The following FOXP2 variants were observed in gnomAD, a reference collection of about 807,000 sequenced individuals.
FOXP2 encodes forkhead box P2.
Under a neutral mutation model 115.8 loss-of-function variants are expected in FOXP2, and 12 were observed. The ratio of observed to expected loss-of-function variants is 0.10; its 90% confidence interval spans 0.07 to 0.17. The LOEUF (loss-of-function observed/expected upper bound fraction) is 0.17, where lower values mean the gene tolerates loss of function less well. Among genes scored for constraint, FOXP2 ranks in the 10% least tolerant of loss-of-function variants. The pLI is 1.00. For missense variants in FOXP2, 629 were observed against 843.5 expected (o/e 0.75, Z 3.15); for synonymous variants, 328 against 297.7 (o/e 1.10, Z -1.05).
chr7:114,537,314 T>A (rs1281461878), intron 3 of FOXP2, among the ~76,000 whole-genome samples: 1 of 151,628 alleles, frequency 6.6e-6, no homozygotes, highest in Non-Finnish European at 1.5e-5. Flanking sequence ...AGATATTTGG[T>A]ATTAATCGAT....
chr7:114,271,482 A>G (rs1796036118), intron 1 of FOXP2, among the ~76,000 whole-genome samples: 2 of 134,780 alleles, frequency 1.5e-5, no homozygotes, highest in South Asian at 2.1e-4. Context: ...GGATTTATAT[A>G]TATATATTTA....
At position 114,176,298 on chromosome 7, in the gene FOXP2, T is replaced by TTCTTTCTTTCTCTCTCTC. The variant is rs368923204; in HGVS notation, c.-102+13213_-102+13214insTTCTTTCTCTCTCTCTCT. 8.8e-3 allele frequency among the ~76,000 whole-genome samples: 670 copies of TTCTTTCTTTCTCTCTCTC among 76,524 alleles called. 12 individuals carry two copies. The highest frequency in any genetic ancestry group is 0.034 in the African/African-American group (621 of 18,462). 50.2% of individuals were successfully genotyped at this position (76,524 alleles called of 152,430 possible). ...TTTCTTTCTTTCTTTCTTTCTTTCT[T>TTCTTTCTTTCTCTCTCTC]TCTCTCTCTCTCTCTCTCTCTCTTT... is the stretch of plus-strand genomic sequence containing the variant. On this transcript the variant is annotated intron_variant, in intron 1 of 17. Transcript: ENST00000634411.
chr7:114,575,693 C>T (rs1198586582), intron 3 of FOXP2, among the ~76,000 whole-genome samples: 1 of 151,814 alleles, frequency 6.6e-6, no homozygotes, highest in Non-Finnish European at 1.5e-5. Context: ...TTGTCTGTAT[C>T]CAGCTAAAGC....
At chr7:114,605,874 G>C (rs1450060324) in intron 3 of FOXP2, among the ~76,000 whole-genome samples, 1 of 152,160 alleles carries the variant, frequency 6.6e-6, no homozygotes, top group Non-Finnish European at 1.5e-5. Context: ...TATTTGACAA[G>C]GGTAGTGGCC....
chr7:114,631,580 T>C lies in FOXP2; in HGVS notation c.650T>C (p.Phe217Ser). The change falls in exon 6 of 17, where the codon TTC (phenylalanine) becomes TCC (serine). Residue 217 changes from phenylalanine (F) to serine (S), a missense_variant. By Grantham distance (155) the Phe-to-Ser change is radical. Transcript: ENST00000350908. ...QQQLAAQQLV[F>S]QQQLLQMQQL... ...CAATTGGCAGCCCAGCAGCTTGTCT[T>C]CCAGCAGCAGCTTCTCCAGATGCAA... 6.2e-7 allele frequency: 1 copy of C among 1,605,588 alleles called. No individual in the cohort carries two copies. Among genetic ancestry groups the C allele is most frequent in the Non-Finnish European group, 8.5e-7 (1 of 1,175,680 alleles).
intron 3 of FOXP2, among the ~76,000 whole-genome samples, chr7:114,580,456 T>G (rs1168491187): frequency 6.6e-6 from 1 of 152,148 alleles, no homozygotes; most frequent in African/African-American, 2.4e-5. Context: ...CATATTCCTG[T>G]AGTCCCAGCT....
chr7:114,566,907 GA>G (rs1213108369), intron 3 of FOXP2, among the ~76,000 whole-genome samples: 1 of 151,706 alleles, frequency 6.6e-6, no homozygotes, highest in Non-Finnish European at 1.5e-5. Context: ...ATTTTTGTAT[GA>G]AAATTACACT....
chr7:114,472,345 CTTT>C (rs1164348933), intron 2 of FOXP2, among the ~76,000 whole-genome samples: 7 of 137,760 alleles, frequency 5.1e-5, no homozygotes, highest in Admixed American at 7.3e-5. Context: ...TTTATAAATT[CTTT>C]TTTTTTTTTT....
intron 3 of FOXP2, among the ~76,000 whole-genome samples, chr7:114,620,180 G>T (rs1334995817): frequency 6.6e-6 from 1 of 151,942 alleles, no homozygotes; most frequent in Non-Finnish European, 1.5e-5. Flanking sequence ...AACAAGGGGA[G>T]TTCATCGCTA....
At chr7:114,298,073 G>A (rs957220931) in intron 2 of FOXP2, among the ~76,000 whole-genome samples, 1 of 152,048 alleles carries the variant, frequency 6.6e-6, no homozygotes, top group Non-Finnish European at 1.5e-5. Context: ...TTGGTTTTGA[G>A]TGTGAACTTG....
chr7:114,268,755 T>C (rs1795965589), intron 1 of FOXP2, among the ~76,000 whole-genome samples: 1 of 151,984 alleles, frequency 6.6e-6, no homozygotes, highest in Non-Finnish European at 1.5e-5. Context: ...CCGTTAATCG[T>C]TTCTGGGTTT....
At chr7:114,236,612 A>G (rs1007535321) in intron 1 of FOXP2, among the ~76,000 whole-genome samples, 2 of 152,238 alleles carry the variant, frequency 1.3e-5, no homozygotes, top group African/African-American at 4.8e-5. Flanking sequence ...TCACAATTAT[A>G]TATCCTTATT....
At chr7:114,152,924 T>C (rs1410344829) in intron 1 of FOXP2, among the ~76,000 whole-genome samples, 1 of 152,164 alleles carries the variant, frequency 6.6e-6, no homozygotes, top group African/African-American at 2.4e-5. Flanking sequence ...ACATGTCTAC[T>C]TTGGTTTGGA....
At chr7:114,395,859 C>A (rs1046960126) in intron 2 of FOXP2, among the ~76,000 whole-genome samples, 1 of 150,880 alleles carries the variant, frequency 6.6e-6, no homozygotes, top group Non-Finnish European at 1.5e-5. Context: ...GGGGGGGTCA[C>A]GTTTTCTTTC....
intron 2 of FOXP2, among the ~76,000 whole-genome samples, chr7:114,398,079 T>C (rs1356576000): frequency 6.6e-6 from 1 of 152,096 alleles, no homozygotes; most frequent in African/African-American, 2.4e-5. Context: ...GAAGGAGTTA[T>C]AATGGATATA....
At chr7:114,495,893 G>A (rs939782120) in intron 2 of FOXP2, among the ~76,000 whole-genome samples, 2 of 152,028 alleles carry the variant, frequency 1.3e-5, no homozygotes, top group African/African-American at 4.8e-5. Context: ...GTATTTACTA[G>A]ATAATAAATG....
At chr7:114,462,333 C>T (rs1205211119) in intron 2 of FOXP2, among the ~76,000 whole-genome samples, 2 of 125,834 alleles carry the variant, frequency 1.6e-5, no homozygotes, top group Non-Finnish European at 1.7e-5. Context: ...AGAAATAAAA[C>T]TCAGCTCTGG....
intron 3 of FOXP2, among the ~76,000 whole-genome samples, chr7:114,610,335 G>T (rs1402952215): frequency 6.6e-6 from 1 of 152,026 alleles, no homozygotes; most frequent in Non-Finnish European, 1.5e-5. Context: ...CCATGTTTTG[G>T]TATTTTTCAT....
chr7:114,500,477 C>T (rs1162330921), intron 2 of FOXP2, among the ~76,000 whole-genome samples: 1 of 151,916 alleles, frequency 6.6e-6, no homozygotes, highest in East Asian at 1.9e-4. Flanking sequence ...ATATATACAA[C>T]CCATTCCTTT....
Sources: gnomAD v4.1 joint callset for allele counts (sites outside exome capture counted in the v4.1 genomes callset) on GRCh38, gnomAD v4.1.1 for gene constraint, MANE v1.5 for transcripts, NCBI Gene and HGNC (gene_info 2026-07-23, HGNC 2026-07-21) for gene names.